The following GFRA2 variants were observed in gnomAD, a reference collection of about 807,000 sequenced individuals.
GFRA2 encodes the protein GDNF family receptor alpha-2.
In GFRA2, 17 loss-of-function variants were observed where a neutral mutation model predicts 48.3. That is an observed-to-expected ratio of 0.35 (90% CI 0.24 to 0.53). The LOEUF is 0.53. Among genes scored for constraint, GFRA2 ranks in the 20% least tolerant of loss-of-function variants. GFRA2 has a pLI of 0.93. For synonymous variants in GFRA2, 305 were observed against 257.2 expected (o/e 1.19, Z -1.78); for missense variants, 660 against 637.3 (o/e 1.04, Z -0.38).
At chr8:21,730,433 C>A (rs374423537) in intron 4 of GFRA2, among the ~76,000 whole-genome samples, 2 of 151,954 alleles carry the variant, frequency 1.3e-5, no homozygotes, top group Non-Finnish European at 2.9e-5. Context: ...CATCCTCTCG[C>A]AACAGAAATG....
At chr8:21,787,821 G>T (rs986698583) in intron 1 of GFRA2, among the ~76,000 whole-genome samples, 69 of 152,248 alleles carry the variant, frequency 4.5e-4, no homozygotes, top group Non-Finnish European at 9.0e-4. Context: ...GGGGAGATGC[G>T]CGCTATACTG....
At position 21,708,620 on chromosome 8, in the gene GFRA2, G is replaced by C. The variant is rs148448106; in HGVS notation, c.795-2579C>G. Among the ~76,000 whole-genome samples the C allele has an allele frequency of 1.8e-3, 273 of 152,310 alleles. 1 individual carries two copies. The highest frequency in any genetic ancestry group is 6.3e-3 in the African/African-American group (262 of 41,564). ...GTTAAGATGAGGTCACAGTGGATTAGGGTGGGCCCTAAATCCAATGACTGG... is the reference window on the plus strand; with the variant it reads ...GTTAAGATGAGGTCACAGTGGATTACGGTGGGCCCTAAATCCAATGACTGG... On this transcript the variant is annotated intron_variant, in intron 4 of 8. Transcript: ENST00000524240.
At chr8:21,766,362 TAGA>T (rs1563256572) in intron 3 of GFRA2, among the ~76,000 whole-genome samples, 1 of 152,064 alleles carries the variant, frequency 6.6e-6, no homozygotes, top group Non-Finnish European at 1.5e-5. Flanking sequence ...CTCCAGCTAA[TAGA>T]AGAACATAAA....
intron 3 of GFRA2, among the ~76,000 whole-genome samples, chr8:21,754,244 C>T (rs1261067886): frequency 2.6e-5 from 4 of 152,190 alleles, no homozygotes; most frequent in African/African-American, 9.6e-5. Flanking sequence ...CCCTAGTACC[C>T]TGTGTTTGAC....
At chr8:21,708,411 A>G (rs976960614) in intron 4 of GFRA2, among the ~76,000 whole-genome samples, 2 of 152,178 alleles carry the variant, frequency 1.3e-5, no homozygotes, top group African/African-American at 4.8e-5. Flanking sequence ...TTCATGTCCC[A>G]GACCTCCAGA....
At chr8:21,776,901 T>C (rs900985715) in intron 2 of GFRA2, among the ~76,000 whole-genome samples, 4 of 152,172 alleles carry the variant, frequency 2.6e-5, no homozygotes, top group African/African-American at 9.7e-5. Flanking sequence ...GAGAAACTCC[T>C]TGGGGTGGGG....
chr8:21,786,994 TCACACA>T (rs1394752597), intron 1 of GFRA2, among the ~76,000 whole-genome samples: 91 of 150,220 alleles, frequency 6.1e-4, no homozygotes, highest in African/African-American at 2.1e-3. Flanking sequence ...ACAAACACAC[TCACACA>T]CACACACACA....
At chr8:21,764,633 C>T (rs755474902) in intron 3 of GFRA2, among the ~76,000 whole-genome samples, 1 of 152,262 alleles carries the variant, frequency 6.6e-6, no homozygotes, top group Non-Finnish European at 1.5e-5. Context: ...GCTGCCCTGC[C>T]ATGCGTGCTG....
chr8:21,766,823 C>A (rs2117670431), intron 3 of GFRA2, among the ~76,000 whole-genome samples: 1 of 58 alleles, frequency 0.017, no homozygotes, highest in African/African-American at 0.062. Flanking sequence ...CCCACACGCT[C>A]CACACACCTC....
intron 4 of GFRA2, among the ~76,000 whole-genome samples, chr8:21,741,124 C>T (rs547527984): frequency 6.6e-6 from 1 of 152,308 alleles, no homozygotes; most frequent in East Asian, 1.9e-4. Context: ...CACTGCTTGG[C>T]TTCAGAAGCT....
intron 3 of GFRA2, among the ~76,000 whole-genome samples, chr8:21,757,506 C>CTTTTTTTTTTTTT (rs5889999): frequency 0.012 from 1,808 of 145,580 alleles, 90 homozygotes; most frequent in African/African-American, 0.046. Flanking sequence ...TTCCTTAATC[C>CTTTTTTTTTTTTT]TTTTTTTTGA....
intron 1 of GFRA2, chr8:21,784,423 C>T: frequency 2.3e-6 from 1 of 440,724 alleles, no homozygotes; most frequent in South Asian, 1.6e-5. Context: ...AAGTCCCCTC[C>T]TCAATACCGC....
In GFRA2 at chr8:21,705,923, A is replaced by G; in HGVS notation, c.904+9T>C. 6.6e-7 allele frequency: 1 copy of G among 1,524,432 alleles called. No individual in the cohort carries two copies. Among genetic ancestry groups the G allele is most frequent in the South Asian group, 1.2e-5 (1 of 83,600 alleles). 94.4% of individuals were successfully genotyped at this position (1,524,432 alleles called of 1,614,324 possible). On this transcript the variant is annotated intron_variant, in intron 5 of 8. Coordinates refer to ENST00000524240, the MANE Select transcript of GFRA2 (RefSeq NM_001495.5). ...ACCCACAGAGCCCAGGTGAGCAGGA[A>G]GAGCTTACCAATCATGCCAGCATAA...
At chr8:21,714,482 T>G (rs1803235792) in intron 4 of GFRA2, among the ~76,000 whole-genome samples, 1 of 151,784 alleles carries the variant, frequency 6.6e-6, no homozygotes, top group Non-Finnish European at 1.5e-5. Context: ...AACTCCTGGC[T>G]TCAAGTGATC....
chr8:21,698,036 C>T (rs1019622414), intron 7 of GFRA2, among the ~76,000 whole-genome samples: 5 of 152,148 alleles, frequency 3.3e-5, no homozygotes, highest in African/African-American at 9.7e-5. Context: ...TCACAGCAGA[C>T]GAATACACAG....
At chr8:21,743,297 G>T (rs1804844684) in intron 4 of GFRA2, among the ~76,000 whole-genome samples, 2 of 152,266 alleles carry the variant, frequency 1.3e-5, no homozygotes, top group African/African-American at 4.8e-5. Flanking sequence ...GTGGCTATTG[G>T]ACTCTGGGCA....
chr8:21,812,136 G>A (rs1360030014), intron 1 of GFRA2: 1 of 152,252 alleles, frequency 6.6e-6, no homozygotes, highest in Non-Finnish European at 1.5e-5. Flanking sequence ...TGGAGACCGG[G>A]TAGATCCCAG....
At chr8:21,754,398 C>T (rs967577265) in intron 3 of GFRA2, among the ~76,000 whole-genome samples, 1 of 152,052 alleles carries the variant, frequency 6.6e-6, no homozygotes, top group Non-Finnish European at 1.5e-5. Context: ...CAGTGATCAA[C>T]ACAGGACCAT....
chr8:21,697,911 G>T lies in GFRA2; in HGVS notation c.1219-3394C>A, dbSNP rs1313636228. 2.6e-5 allele frequency among the ~76,000 whole-genome samples: 4 copies of T among 152,172 alleles called. No homozygotes were observed. In the South Asian group the frequency reaches 8.3e-4, roughly 31 times the overall value. ...GCTCTTCATCTTCTGCCATGATTGTGAGGCCTCCCCGGCCATGTGGAACTG... is the reference window on the plus strand; with the variant it reads ...GCTCTTCATCTTCTGCCATGATTGTTAGGCCTCCCCGGCCATGTGGAACTG... On this transcript the variant is annotated intron_variant, in intron 7 of 8. Transcript: ENST00000524240.
Sources: gnomAD v4.1 joint callset for allele counts (sites outside exome capture counted in the v4.1 genomes callset) on GRCh38, gnomAD v4.1.1 for gene constraint, MANE v1.5 for transcripts, NCBI Gene and HGNC (gene_info 2026-07-23, HGNC 2026-07-21) for gene names.